FMR1: variants seen among roughly 807,000 people sequenced by gnomAD.
FMR1 encodes fragile X messenger ribonucleoprotein 1, also known as FMRP translational regulator 1.
In FMR1, 13 loss-of-function variants were observed where a neutral mutation model predicts 50.6. The observed-to-expected ratio is 0.26, with a 90% CI of 0.17 to 0.41. The LOEUF (loss-of-function observed/expected upper bound fraction) is 0.41. Ranked by LOEUF, FMR1 falls within the 10% of genes least tolerant of loss-of-function variation. FMR1 has a pLI of 1.00. For synonymous variants in FMR1, 138 were observed against 164.1 expected (o/e 0.84, Z 1.22); for missense variants, 316 against 491.3 (o/e 0.64, Z 3.37).
intron 7 of FMR1, among the ~76,000 whole-genome samples, chrX:147,930,518 C>T (rs997810909): frequency 8.9e-6 from 1 of 111,813 alleles, no homozygotes; most frequent in Admixed American, 9.5e-5. Context: ...TGCGGCAATG[C>T]TTCTTCCATA....
At position 147,929,924 on chromosome X, in the gene FMR1, T is replaced by C. The variant is rs1179216884; in HGVS notation, c.420-24T>C. 6 of 1,054,945 alleles carry C rather than the reference T, an allele frequency of 5.7e-6. No individual in the cohort carries two copies. In the East Asian group the frequency reaches 1.8e-4, roughly 32 times the overall value. 86.9% of individuals were successfully genotyped at this position (1,054,945 alleles called of 1,213,427 possible). Reference sequence around the variant, plus strand: ...GTCAGTAGTTGGTAATTATTCATCTTAATTTTTTTTTTTAAATTTCTAGGT... The same window carrying C: ...GTCAGTAGTTGGTAATTATTCATCTCAATTTTTTTTTTTAAATTTCTAGGT... On this transcript the variant is annotated intron_variant, in intron 5 of 16. Transcript: ENST00000370475.
chrX:147,946,565 AC>A (rs1248087466), intron 16 of FMR1, among the ~76,000 whole-genome samples: 1 of 112,436 alleles, frequency 8.9e-6, no homozygotes, highest in Non-Finnish European at 1.9e-5. Flanking sequence ...ATTTAATCTT[AC>A]AGCAACCCAC....
chrX:147,934,221 A>G (rs1251724551), intron 9 of FMR1, among the ~76,000 whole-genome samples: 2 of 108,825 alleles, frequency 1.8e-5, no homozygotes, highest in Non-Finnish European at 3.8e-5. Context: ...TTTTTTTAAT[A>G]GCAAATGAGT....
chrX:147,934,098 ATTTAT>A (rs1330658703), intron 9 of FMR1, among the ~76,000 whole-genome samples: 1 of 111,698 alleles, frequency 9.0e-6, no homozygotes, highest in Non-Finnish European at 1.9e-5. Flanking sequence ...GATGAATAAT[ATTTAT>A]TTTCTTCTTT....
At chrX:147,933,629 GT>G (rs1289164873) in intron 9 of FMR1, 1 of 849,459 alleles carries the variant, frequency 1.2e-6, no homozygotes, top group East Asian at 5.7e-5. Context: ...ACCAGGTGCA[GT>G]TTTATCAAGA....
chrX:147,918,555 C>CTT (rs368581020), intron 1 of FMR1, among the ~76,000 whole-genome samples: 2,976 of 46,911 alleles, frequency 0.063, 417 homozygotes, highest in Non-Finnish European at 0.071. Flanking sequence ...CCTGCAAAAG[C>CTT]TTTTTTTTTT....
At chrX:147,940,240 T>A in intron 12 of FMR1, 1 of 194,069 alleles carries the variant, frequency 5.2e-6, no homozygotes. Flanking sequence ...ATAAATGAAT[T>A]AGAGCATCTT....
intron 1 of FMR1, among the ~76,000 whole-genome samples, chrX:147,916,438 G>A (rs1235318442): frequency 1.3e-4 from 14 of 110,854 alleles, no homozygotes; most frequent in Non-Finnish European, 2.5e-4. Context: ...GGGGCGGGGG[G>A]AGTGGGGACA....
chrX:147,949,860 G>T lies in FMR1; in HGVS notation c.*1016G>T, dbSNP rs2044279635. The T allele has an allele frequency of 6.2e-6, 2 of 324,898 alleles. No homozygotes were observed. The highest frequency in any genetic ancestry group is 6.3e-5 in the Admixed American group (2 of 31,603). 26.8% of individuals were successfully genotyped at this position (324,898 alleles called of 1,213,427 possible). ...TTTAATTTCAAGCTTATTTTGGAGA[G>T]ATAGGAAGGTCATTTCCATGTATGC... On this transcript the variant is annotated 3_prime_UTR_variant, in exon 17 of 17. Coordinates refer to ENST00000370475, the MANE Select transcript of FMR1 (RefSeq NM_002024.6).
chrX:147,936,112 C>T (rs1371023577), intron 9 of FMR1, among the ~76,000 whole-genome samples: 2 of 112,177 alleles, frequency 1.8e-5, no homozygotes, highest in African/African-American at 3.2e-5. Context: ...CCCATTCTCT[C>T]TACTTTTTTC....
chrX:147,943,428 C>T (rs782308259), intron 14 of FMR1, 102 bp downstream of exon 14: 50 of 749,239 alleles, frequency 6.7e-5, no homozygotes, highest in Middle Eastern at 4.0e-4. Flanking sequence ...TTTGCCGCTA[C>T]ATGGTTTCCA....
intron 4 of FMR1, 47 bp from the exon 5 acceptor site, chrX:147,928,612 C>A (rs782792994): frequency 2.7e-6 from 3 of 1,110,614 alleles, no homozygotes; most frequent in Non-Finnish European, 3.7e-6. Flanking sequence ...ACTTCTTATT[C>A]TTACTTTAAA....
chrX:147,948,604 G>A, intron 16 of FMR1, 79 bp from the exon 17 acceptor site: 1 of 1,200,282 alleles, frequency 8.3e-7, no homozygotes, highest in East Asian at 3.0e-5. Context: ...TTACACTTCA[G>A]GTTTAAATTT....
chrX:147,937,382 T>C (rs2043827332), intron 10 of FMR1, 84 bp from the exon 11 acceptor site: 1 of 604,052 alleles, frequency 1.7e-6, no homozygotes, highest in Non-Finnish European at 2.8e-6. Flanking sequence ...TTTAAAAATA[T>C]GATGATTGAT....
chrX:147,918,313 A>T (rs1557175668), intron 1 of FMR1, among the ~76,000 whole-genome samples: 1 of 111,898 alleles, frequency 8.9e-6, no homozygotes, highest in Non-Finnish European at 1.9e-5. Flanking sequence ...GTGTAGACCA[A>T]ACGTAACCTA....
intron 16 of FMR1, among the ~76,000 whole-genome samples, chrX:147,946,407 C>T (rs527666552): frequency 8.9e-6 from 1 of 112,469 alleles, no homozygotes; most frequent in Admixed American, 9.3e-5. Flanking sequence ...CTTGGTCAGT[C>T]ATCTGCTTAT....
chrX:147,918,375 C>T (rs1257112547), intron 1 of FMR1, among the ~76,000 whole-genome samples: 1 of 110,592 alleles, frequency 9.0e-6, no homozygotes, highest in East Asian at 2.8e-4. Context: ...TATTATATAC[C>T]TTCTGTATTC....
chrX:147,949,469 T>A lies in FMR1; in HGVS notation c.*625T>A. The A allele has an allele frequency of 9.1e-6, 3 of 329,800 alleles. No individual in the cohort carries two copies. Among genetic ancestry groups the A allele is most frequent in the Non-Finnish European group, 1.8e-5 (3 of 169,999 alleles). The allele number at this position is 329,800 out of a possible 1,213,427, so 27.2% of individuals were successfully genotyped here. A position where few individuals can be genotyped will look rare whatever the true frequency, so the allele number is the denominator to read the frequency against. On this transcript the variant is annotated 3_prime_UTR_variant, in exon 17 of 17. Coordinates refer to ENST00000370475, the MANE Select transcript of FMR1 (RefSeq NM_002024.6). ...GAAGATAAGTTGGAAACACTAAATGTTAAAGATGTAGCAAACCCTGTCAAA... is the reference window on the plus strand; with the variant it reads ...GAAGATAAGTTGGAAACACTAAATGATAAAGATGTAGCAAACCCTGTCAAA...
At chrX:147,915,430 A>G (rs1474508704) in intron 1 of FMR1, among the ~76,000 whole-genome samples, 1 of 111,674 alleles carries the variant, frequency 9.0e-6, no homozygotes, top group East Asian at 2.8e-4. Flanking sequence ...AACTTTGCAT[A>G]AAGGTGTTAT....
Sources: allele counts gnomAD v4.1 joint callset (sites outside exome capture counted in the v4.1 genomes callset), GRCh38; gene constraint gnomAD v4.1.1; transcripts MANE v1.5; gene names NCBI Gene and HGNC (gene_info 2026-07-23, HGNC 2026-07-21).